IFI44L: variants seen among roughly 807,000 people sequenced by gnomAD.
The protein encoded by IFI44L is interferon induced protein 44 like.
A neutral mutation model predicts 39.3 loss-of-function variants in IFI44L; 40 were observed. The observed-to-expected ratio is 1.02, with a 90% CI of 0.79 to 1.33. The LOEUF is 1.33. IFI44L is among the 40% of genes most tolerant of loss of function. The pLI, the probability that IFI44L is intolerant of heterozygous loss-of-function variation, is 0.00. For missense variants in IFI44L, 623 were observed against 549.0 expected (o/e 1.13, Z -1.35); for synonymous variants, 198 against 182.3 (o/e 1.09, Z -0.69).
At chr1:78,625,428 T>G (rs1354410247) in intron 1 of IFI44L, among the ~76,000 whole-genome samples, 2 of 152,130 alleles carry the variant, frequency 1.3e-5, no homozygotes, top group Non-Finnish European at 2.9e-5. Context: ...TTTTACAAAG[T>G]TGTTTATCTT....
At position 78,637,070 on chromosome 1, in the gene IFI44L, T is replaced by C; in HGVS notation, c.915T>C (p.Thr305=). 1 of 1,612,298 alleles carries C rather than the reference T, an allele frequency of 6.2e-7. No individual in the cohort carries two copies. The highest frequency in any genetic ancestry group is 8.5e-7 in the Non-Finnish European group (1 of 1,178,562). The change falls in exon 6 of 9, where the codon ACT becomes ACC. Residue 305 remains threonine, a synonymous_variant. Coordinates refer to ENST00000370751, the MANE Select transcript of IFI44L (RefSeq NM_006820.4). ...SRKPITPEHS[T]FITSPSLKDR... ...AACCAATTACACCTGAGCATTCTACTTTTATCACCTCTCCATCTCTGAAGG... is the reference window on the plus strand; with the variant it reads ...AACCAATTACACCTGAGCATTCTACCTTTATCACCTCTCCATCTCTGAAGG...
intron 4 of IFI44L, among the ~76,000 whole-genome samples, chr1:78,633,466 C>T (rs1037940036): frequency 3.3e-5 from 5 of 152,162 alleles, no homozygotes; most frequent in African/African-American, 9.7e-5. Flanking sequence ...ACACGGATGC[C>T]GCAGTGGCCC....
At chr1:78,620,941 A>G (rs2100464520) in intron 1 of IFI44L, 1 of 152,272 alleles carries the variant, frequency 6.6e-6, no homozygotes, top group African/African-American at 2.4e-5. Context: ...CTTTTATTTT[A>G]AGCTTCCACG....
intron 1 of IFI44L, among the ~76,000 whole-genome samples, chr1:78,624,969 C>A (rs1333969): frequency 2.0e-5 from 3 of 151,826 alleles, no homozygotes; most frequent in Admixed American, 2.0e-4. Flanking sequence ...TGATTTTCAT[C>A]CTATGTGTGT....
intron 1 of IFI44L, among the ~76,000 whole-genome samples, chr1:78,623,390 TTTTTTG>T (rs1652352081): frequency 4.8e-5 from 2 of 41,616 alleles, no homozygotes; most frequent in African/African-American, 1.2e-4. Context: ...GGTTTAAGTG[TTTTTTG>T]TTTTTTTTTT....
rs1278244574 is a variant in IFI44L at position 78,641,835 on chromosome 1, T to C, written c.*26T>C. On this transcript the variant is annotated 3_prime_UTR_variant, in exon 9 of 9. Coordinates refer to ENST00000370751, the MANE Select transcript of IFI44L (RefSeq NM_006820.4). ...GATAAGTTGCCTTGATTCTGACATT[T>C]GGCCCAGCCTGTACTGGTGTGCCGC... is the stretch of plus-strand genomic sequence containing the variant. 1 of 1,610,084 alleles carries C rather than the reference T, an allele frequency of 6.2e-7. No individual in the cohort carries two copies. The highest frequency in any genetic ancestry group is 8.5e-7 in the Non-Finnish European group (1 of 1,176,366).
intron 1 of IFI44L, among the ~76,000 whole-genome samples, chr1:78,622,968 C>T (rs1298973071): frequency 1.3e-5 from 2 of 152,184 alleles, no homozygotes; most frequent in African/African-American, 4.8e-5. Flanking sequence ...GGATTTCTGA[C>T]CCAGAGAAAC....
chr1:78,636,916 T>A, intron 5 of IFI44L, 116 bp from the exon 6 acceptor site: 1 of 716,684 alleles, frequency 1.4e-6, no homozygotes, highest in East Asian at 2.9e-5. Flanking sequence ...GGGGAAAGAG[T>A]AGCTGAGGAG....
At chr1:78,637,996 T>G (rs1444125091) in intron 6 of IFI44L, among the ~76,000 whole-genome samples, 1 of 152,132 alleles carries the variant, frequency 6.6e-6, no homozygotes, top group African/African-American at 2.4e-5. Flanking sequence ...TGTTTAGCTT[T>G]GAAAGAGATC....
intron 6 of IFI44L, 84 bp from the exon 7 acceptor site, chr1:78,640,937 A>C: frequency 2.2e-6 from 2 of 906,814 alleles, no homozygotes; most frequent in Non-Finnish European, 3.6e-6. Context: ...ATCACCCTAT[A>C]GAGTTGCCTT....
rs34615115 is a variant in IFI44L, at chr1:78,641,602, G to A, written c.1317G>A (p.Glu439=). The change falls in exon 8 of 9, where the codon GAG becomes GAA. Residue 439 remains glutamate (E), a synonymous_variant. Transcript: ENST00000370751. ...ATTTTTTAGAAGATTTGCCTCTTGA[G>A]GAAACTGGTAATCTGGCCCTTTTCT... ...ADDFLEDLPL[E]ETGAIERALQ... 1.2e-3 allele frequency: 1,859 copies of A among 1,613,368 alleles called. 27 individuals carry two copies. In the African/African-American group the frequency reaches 0.023, roughly 20 times the overall value.
intron 4 of IFI44L, chr1:78,631,615 A>G (rs1557685840): frequency 1.3e-5 from 2 of 152,164 alleles, no homozygotes; most frequent in Non-Finnish European, 2.9e-5. Context: ...CTGACCATCA[A>G]ATAAAATACT....
At chr1:78,622,539 T>A (rs921074081) in intron 1 of IFI44L, among the ~76,000 whole-genome samples, 4 of 152,202 alleles carry the variant, frequency 2.6e-5, no homozygotes, top group African/African-American at 9.6e-5. Flanking sequence ...CCTATTTTTT[T>A]TTTAATACTC....
intron 1 of IFI44L, chr1:78,626,480 T>TA (rs1314942757): frequency 6.6e-6 from 1 of 152,026 alleles, no homozygotes; most frequent in African/African-American, 2.4e-5. Context: ...ACTGAATATT[T>TA]AAAAAATCAT....
chr1:78,633,123 A>G (rs1269288284), intron 4 of IFI44L, among the ~76,000 whole-genome samples: 2 of 152,204 alleles, frequency 1.3e-5, no homozygotes, highest in African/African-American at 4.8e-5. Context: ...TGAAGAGGGT[A>G]GGAAAGATAG....
intron 1 of IFI44L, among the ~76,000 whole-genome samples, chr1:78,622,429 C>T (rs577725213): frequency 1.3e-5 from 2 of 152,212 alleles, no homozygotes; most frequent in South Asian, 4.1e-4. Context: ...GGAATTTTAA[C>T]ATATTGACCA....
In IFI44L at chr1:78,641,477, AT is replaced by A. The variant is rs1646983171; in HGVS notation, c.1196del (p.Leu399Ter). The A allele has an allele frequency of 5.6e-6, 9 of 1,613,428 alleles. No homozygotes were observed. The South Asian group carries it at 9.9e-5, about 18-fold the overall frequency. ...AATGCTAGGCATTCCTATTTCCAAT[AT>A]TTTGATGGTTGGAAATTATGCTTCA... ...HKMLGIPISN[I>X]LMVGNYASDL... On this transcript the variant is annotated frameshift_variant, in exon 8 of 9. Transcript: ENST00000370751. LOFTEE classifies it high-confidence loss of function.
At chr1:78,634,364 A>G (rs1652862061) in intron 4 of IFI44L, among the ~76,000 whole-genome samples, 2 of 152,190 alleles carry the variant, frequency 1.3e-5, no homozygotes, top group Non-Finnish European at 2.9e-5. Context: ...TTTTAATATG[A>G]CTAGCAGCAG....
At chr1:78,627,885 C>G (rs980856281) in intron 1 of IFI44L, 21 bp from the exon 2 acceptor site, 30 of 1,380,902 alleles carry the variant, frequency 2.2e-5, no homozygotes, top group Non-Finnish European at 2.9e-5. Flanking sequence ...GCTTCTCAAC[C>G]TATAATTGTT....
Sources: gnomAD v4.1 joint callset for allele counts (sites outside exome capture counted in the v4.1 genomes callset) on GRCh38, gnomAD v4.1.1 for gene constraint, MANE v1.5 for transcripts, NCBI Gene and HGNC (gene_info 2026-07-23, HGNC 2026-07-21) for gene names.